Variants in SYNE2 observed in about 807,000 individuals in gnomAD.
SYNE2 encodes nesprin-2.
A neutral mutation model predicts 856.3 loss-of-function variants in SYNE2; 431 were observed. That is an observed-to-expected ratio of 0.50 (90% CI 0.47 to 0.55). The LOEUF is 0.55. Among genes scored for constraint, SYNE2 ranks in the 20% least tolerant of loss-of-function variants. The pLI is 0.00. For synonymous variants in SYNE2, 2,923 were observed against 2,872.3 expected, an observed-to-expected ratio of 1.02 and a Z score of -0.56; for missense variants, 8,129 against 8,023.2, an observed-to-expected ratio of 1.01 and a Z score of -0.50.
At chr14:64,138,727 C>G (rs181912151) in intron 79 of SYNE2, among the ~76,000 whole-genome samples, 222 of 152,132 alleles carry the variant, frequency 1.5e-3, no homozygotes, top group Non-Finnish European at 1.9e-3. Flanking sequence ...AATCTTGAAC[C>G]GTGTGAGGAA....
At chr14:63,801,639 A>G (rs750212261) in intron 1 of SYNE2, among the ~76,000 whole-genome samples, 9 of 152,122 alleles carry the variant, frequency 5.9e-5, no homozygotes, top group Non-Finnish European at 1.0e-4. Flanking sequence ...GCGCCATTGC[A>G]CTCCAACCTG....
intron 43 of SYNE2, 50 bp downstream of exon 43, chr14:64,027,843 G>A: frequency 7.2e-7 from 1 of 1,391,492 alleles, no homozygotes; most frequent in Non-Finnish European, 1.0e-6. Flanking sequence ...TTATACATAA[G>A]TATGCAAGAC....
In SYNE2 at chr14:64,053,009, A is replaced by G; in HGVS notation, c.9096A>G (p.Glu3032=). The G allele has an allele frequency of 1.2e-6, 2 of 1,611,842 alleles. No individual in the cohort carries two copies. Among genetic ancestry groups the G allele is most frequent in the Non-Finnish European group, 1.7e-6 (2 of 1,179,594 alleles). Residue 3032 remains glutamate (E), a synonymous_variant, in exon 48 of 116, where the codon GAA becomes GAG. Transcript: ENST00000555002. ...TATTTGAAAAAGAAAAGGAACTTGA[A>G]GAAAAAATTAAGCAGTTGGACACAT... ...TQVFEKEKEL[E]EKIKQLDTFE...
chr14:64,186,743 A>G (rs942414043), intron 97 of SYNE2, among the ~76,000 whole-genome samples, 164 bp downstream of exon 97: 2 of 152,220 alleles, frequency 1.3e-5, no homozygotes, highest in Non-Finnish European at 2.9e-5. Context: ...CAGGTTTAAC[A>G]GATTTGACCC....
chr14:63,960,157 G>T (rs915996582), intron 8 of SYNE2, among the ~76,000 whole-genome samples: 5 of 152,186 alleles, frequency 3.3e-5, no homozygotes, highest in South Asian at 2.1e-4. Context: ...GTATCTCTTG[G>T]TGCTTATATC....
intron 94 of SYNE2, among the ~76,000 whole-genome samples, chr14:64,171,205 C>A (rs1203454228): frequency 6.6e-6 from 1 of 152,212 alleles, no homozygotes; most frequent in African/African-American, 2.4e-5. Context: ...TCCCATGGAG[C>A]TGTAGAGCTA....
chr14:64,020,309 T>C (rs2096927082), intron 35 of SYNE2, among the ~76,000 whole-genome samples: 1 of 152,118 alleles, frequency 6.6e-6, no homozygotes, highest in South Asian at 2.1e-4. Flanking sequence ...TGAAATACAC[T>C]AACAATAGCA....
In SYNE2 at chr14:64,151,527, A is replaced by G. The variant is rs918541049; in HGVS notation, c.15640-1037A>G. Among the ~76,000 whole-genome samples, 34 of 142,236 alleles carry G rather than the reference A, an allele frequency of 2.4e-4. No individual in the cohort carries two copies. In the South Asian group the frequency reaches 2.5e-3, roughly 10 times the overall value. The allele number at this position is 142,236 out of a possible 152,430, so 93.3% of individuals were successfully genotyped here. On this transcript the variant is annotated intron_variant, in intron 84 of 115. Coordinates refer to ENST00000555002, the MANE Select transcript of SYNE2 (RefSeq NM_182914.3). ...AGCAATTTTCAAAAAAAAAAAAAAA[A>G]GGCTGGGATCCTTAGGCAAAGCAAT... is the stretch of plus-strand genomic sequence containing the variant.
chr14:64,065,514 C>T lies in SYNE2; in HGVS notation c.10295C>T (p.Thr3432Ile). The part of the protein sequence containing the change: ...QILRLLRLRC[T>I]ENDGICLLKI... ...CTTAGACTCTTGAGACTCAGGTGCA[C>T]AGAAAATGATGGCATATGTTTGCTC... The change falls in exon 51 of 116, where the codon ACA becomes ATA. Residue 3432 changes from threonine (T) to isoleucine (I), a missense_variant. Thr to Ile is a moderately conservative substitution (Grantham distance 89). Coordinates refer to ENST00000555002, the MANE Select transcript of SYNE2 (RefSeq NM_182914.3). The T allele has an allele frequency of 6.2e-7, 1 of 1,614,024 alleles. No homozygotes were observed. Among genetic ancestry groups the T allele is most frequent in the Non-Finnish European group, 8.5e-7 (1 of 1,180,012 alleles).
Position 64,052,068 on chromosome 14 carries a change from T to C in SYNE2, c.8155T>C (p.Leu2719=), listed in dbSNP as rs1219759741. ...GAAACAATGGGAAACATTGGAGCCA[T>C]TACACTTAGAAGCAGAAAATCAGAT... ...LKKQWETLEP[L]HLEAENQIKK... is the part of the protein sequence containing the mutation. The change falls in exon 48 of 116, where the codon TTA becomes CTA. Residue 2719 remains leucine, a synonymous_variant. Coordinates refer to ENST00000555002, the MANE Select transcript of SYNE2 (RefSeq NM_182914.3). The C allele has an allele frequency of 6.2e-7, 1 of 1,614,072 alleles. No individual in the cohort carries two copies. Among genetic ancestry groups the C allele is most frequent in the East Asian group, 2.2e-5 (1 of 44,900 alleles).
At chr14:63,780,973 T>C (rs1887283199) in intron 1 of SYNE2, among the ~76,000 whole-genome samples, 1 of 152,048 alleles carries the variant, frequency 6.6e-6, no homozygotes, top group Non-Finnish European at 1.5e-5. Context: ...AGTTGTTAAA[T>C]GATACCCTTA....
At chr14:63,892,904 C>T (rs1465079214) in intron 1 of SYNE2, among the ~76,000 whole-genome samples, 3 of 151,866 alleles carry the variant, frequency 2.0e-5, no homozygotes, top group Non-Finnish European at 4.4e-5. Flanking sequence ...TATTCATTCT[C>T]TTTTATTCAC....
intron 57 of SYNE2, chr14:64,087,358 C>T: frequency 3.8e-6 from 2 of 519,718 alleles, no homozygotes; most frequent in South Asian, 3.0e-5. Context: ...AAAGTTATTA[C>T]ATGTATGAAA....
chr14:64,046,462 C>G (rs2097187111), intron 45 of SYNE2, among the ~76,000 whole-genome samples: 1 of 152,194 alleles, frequency 6.6e-6, no homozygotes, highest in Non-Finnish European at 1.5e-5. Flanking sequence ...AAGTGATCCT[C>G]CCACCTCAGC....
chr14:63,872,761 CA>C (rs36125169), intron 1 of SYNE2, among the ~76,000 whole-genome samples: 1,215 of 87,764 alleles, frequency 0.014, 15 homozygotes, highest in African/African-American at 0.048. Flanking sequence ...GACTCTGCCT[CA>C]AAAAAAAAAA....
chr14:63,821,359 G>A (rs1459102004), intron 1 of SYNE2, among the ~76,000 whole-genome samples: 2 of 152,066 alleles, frequency 1.3e-5, no homozygotes, highest in Non-Finnish European at 2.9e-5. Flanking sequence ...TAAGCAAACT[G>A]CAATTAAGTG....
rs112087918 is a variant in SYNE2, at chr14:64,050,817, G to A, written c.7644-740G>A. Among the ~76,000 whole-genome samples, 967 of 152,106 alleles carry A rather than the reference G, an allele frequency of 6.4e-3. 8 individuals carry two copies. The highest frequency in any genetic ancestry group is 0.022 in the African/African-American group (908 of 41,492). On this transcript the variant is annotated intron_variant, in intron 47 of 115. Coordinates refer to ENST00000555002, the MANE Select transcript of SYNE2 (RefSeq NM_182914.3). ...GTGGATCACTTAAGGTCAGGAATTC[G>A]AGACCAGCTTGGCCAACATGGTGAA...
rs1002386037 is a variant in SYNE2, at chr14:64,215,296, C to T, written c.19344C>T (p.Ile6448=). The T allele has an allele frequency of 2.5e-6, 4 of 1,614,128 alleles. No individual in the cohort carries two copies. Among genetic ancestry groups the T allele is most frequent in the Non-Finnish European group, 3.4e-6 (4 of 1,180,018 alleles). The change falls in exon 107 of 116, where the codon ATC becomes ATT. Residue 6448 remains isoleucine, a synonymous_variant. Coordinates refer to ENST00000555002, the MANE Select transcript of SYNE2 (RefSeq NM_182914.3). ...PYYSALSDVE[I]PENPEAYLKM... is the part of the protein sequence containing the mutation. ...ATTGTTCTTTTTCAGATGTAGAAATCCCTGAAAATCCTGAGGCATATCTTA... is the reference window on the plus strand; with the variant it reads ...ATTGTTCTTTTTCAGATGTAGAAATTCCTGAAAATCCTGAGGCATATCTTA...
intron 107 of SYNE2, chr14:64,215,819 T>G (rs529964812): frequency 3.2e-6 from 2 of 619,420 alleles, no homozygotes; most frequent in East Asian, 1.2e-4. Flanking sequence ...GCTCTAATCC[T>G]CATCCTTAGC....
Sources: allele counts gnomAD v4.1 joint callset (sites outside exome capture counted in the v4.1 genomes callset), GRCh38; gene constraint gnomAD v4.1.1; transcripts MANE v1.5; gene names NCBI Gene and HGNC (gene_info 2026-07-23, HGNC 2026-07-21).